The following ACKR2 variants were observed in gnomAD, a reference collection of about 807,000 sequenced individuals.
ACKR2 encodes C-C chemokine receptor D6.
For missense variants in ACKR2, 457 were observed against 477.3 expected (o/e 0.96, Z 0.40); for synonymous variants, 207 against 192.2 (o/e 1.08, Z -0.64).
chr3:42,820,656 G>A (rs1302170180), intron 2 of ACKR2, among the ~76,000 whole-genome samples: 1 of 145,536 alleles, frequency 6.9e-6, no homozygotes, highest in Non-Finnish European at 1.5e-5. Flanking sequence ...AGCCACCAAT[G>A]TCCTTGTGTT....
chr3:42,846,382 A>G (rs1701097342), intron 2 of ACKR2, among the ~76,000 whole-genome samples: 1 of 152,158 alleles, frequency 6.6e-6, no homozygotes, highest in African/African-American at 2.4e-5. Flanking sequence ...AAGAAATGAA[A>G]CTGGCTCCAG....
At chr3:42,861,481 G>A (rs1181750578) in intron 2 of ACKR2, among the ~76,000 whole-genome samples, 4 of 151,922 alleles carry the variant, frequency 2.6e-5, no homozygotes, top group Non-Finnish European at 5.9e-5. Flanking sequence ...CTAAACAATA[G>A]AAAAAAGAGG....
At chr3:42,817,728 T>G (rs2125602937) in intron 1 of ACKR2, among the ~76,000 whole-genome samples, 1 of 152,272 alleles carries the variant, frequency 6.6e-6, no homozygotes, top group East Asian at 1.9e-4. Flanking sequence ...AACCCAGCTC[T>G]CTCAACCCAC....
At chr3:42,840,185 G>A (rs1701022215) in intron 2 of ACKR2, among the ~76,000 whole-genome samples, 1 of 150,836 alleles carries the variant, frequency 6.6e-6, no homozygotes, top group Non-Finnish European at 1.5e-5. Context: ...GCGTGAACCC[G>A]GGAGGCGGAG....
chr3:42,855,347 C>G (rs2088303471), intron 2 of ACKR2, among the ~76,000 whole-genome samples: 1 of 152,168 alleles, frequency 6.6e-6, no homozygotes, highest in Non-Finnish European at 1.5e-5. Context: ...CTGATGGTTC[C>G]TTCCCAATTT....
rs550814276 is a variant in ACKR2 at position 42,864,358 on chromosome 3, G to A, written c.-37-108G>A. ...TTTTGCTCTTACTTGCTGGACTGCA[G>A]GTACTGATGTAGATTTGAAGAGTCT... is the stretch of plus-strand genomic sequence containing the variant. On this transcript the variant is annotated intron_variant, in intron 2 of 2. Coordinates refer to ENST00000422265, the MANE Select transcript of ACKR2 (RefSeq NM_001296.5). The A allele has an allele frequency of 1.3e-5, 13 of 963,796 alleles. No individual in the cohort carries two copies. In the African/African-American group the frequency reaches 2.0e-4, roughly 15 times the overall value. 59.7% of individuals were successfully genotyped at this position (963,796 alleles called of 1,614,324 possible).
At chr3:42,815,540 A>G (rs1700739697) in intron 1 of ACKR2, among the ~76,000 whole-genome samples, 1 of 152,222 alleles carries the variant, frequency 6.6e-6, no homozygotes, top group African/African-American at 2.4e-5. Flanking sequence ...ACAAAAATAC[A>G]CTTCCCAGAC....
chr3:42,819,328 T>C (rs1045189556), intron 1 of ACKR2, among the ~76,000 whole-genome samples: 2 of 152,204 alleles, frequency 1.3e-5, no homozygotes, highest in African/African-American at 4.8e-5. Flanking sequence ...TGTATAAGTA[T>C]GGGACTAGAT....
At position 42,866,868 on chromosome 3, in the gene ACKR2, A is replaced by G. The variant is rs1319203584; in HGVS notation, c.*1211A>G. The stretch of plus-strand genomic sequence containing the variant: ...AGGCAGAAAGAAATGAAGAACAAAA[A>G]AAAAGATTGATTTTTTTTTTTTTGA... On this transcript the variant is annotated 3_prime_UTR_variant, in exon 3 of 3. Coordinates refer to ENST00000422265, the MANE Select transcript of ACKR2 (RefSeq NM_001296.5). The G allele has an allele frequency of 1.2e-5, 2 of 166,852 alleles. No homozygotes were observed. Among genetic ancestry groups the G allele is most frequent in the African/African-American group, 4.8e-5 (2 of 41,356 alleles). The allele number at this position is 166,852 out of a possible 1,614,324, so 10.3% of individuals were successfully genotyped here.
Position 42,852,437 on chromosome 3 carries a change from A to T in ACKR2, c.-37-12029A>T, listed in dbSNP as rs1256220094. The T allele has an allele frequency of 2.6e-5, 4 of 152,190 alleles. No individual in the cohort carries two copies. The highest frequency in any genetic ancestry group is 6.5e-5 in the Admixed American group (1 of 15,286). 9.4% of individuals were successfully genotyped at this position (152,190 alleles called of 1,614,324 possible). On this transcript the variant is annotated intron_variant, in intron 2 of 2. Coordinates refer to ENST00000422265, the MANE Select transcript of ACKR2 (RefSeq NM_001296.5). The surrounding 1 kb of genome is among the most constrained non-coding windows in gnomAD (Gnocchi z 4.3). ...AAAGTGCTTACTTTTTGTTAGCTGA[A>T]ATAAGTTTTGGGAGGAGGGTTACTC...
intron 2 of ACKR2, among the ~76,000 whole-genome samples, chr3:42,850,568 C>A (rs1341882448): frequency 6.6e-6 from 1 of 152,132 alleles, no homozygotes; most frequent in Non-Finnish European, 1.5e-5. Context: ...GTCAAGGGGG[C>A]AGTGGGACTG....
intron 1 of ACKR2, among the ~76,000 whole-genome samples, chr3:42,815,196 G>C (rs1179727906): frequency 1.3e-5 from 2 of 152,150 alleles, no homozygotes; most frequent in Non-Finnish European, 2.9e-5. Context: ...GAAATAGAAT[G>C]GATTAGAAAG....
chr3:42,821,840 G>T (rs1238997441), intron 2 of ACKR2, among the ~76,000 whole-genome samples: 1 of 151,966 alleles, frequency 6.6e-6, no homozygotes, highest in African/African-American at 2.4e-5. Flanking sequence ...GGGACTACAG[G>T]GGCCCACTAC....
At chr3:42,832,154 C>T in intron 2 of ACKR2, among the ~76,000 whole-genome samples, 1 of 152,134 alleles carries the variant, frequency 6.6e-6, no homozygotes, top group East Asian at 1.9e-4. Context: ...ACCAGAAAGC[C>T]TCCATCTCTT....
At chr3:42,815,893 G>A (rs1046845507) in intron 1 of ACKR2, among the ~76,000 whole-genome samples, 1 of 152,190 alleles carries the variant, frequency 6.6e-6, no homozygotes, top group Non-Finnish European at 1.5e-5. Context: ...AAAAGTCACA[G>A]CCACTTTTAA....
intron 1 of ACKR2, among the ~76,000 whole-genome samples, chr3:42,813,072 G>A (rs1700712647): frequency 6.6e-6 from 1 of 152,086 alleles, no homozygotes; most frequent in Non-Finnish European, 1.5e-5. Flanking sequence ...TGCTGTTAAT[G>A]TTATTGAATT....
intron 1 of ACKR2, among the ~76,000 whole-genome samples, chr3:42,810,664 C>T (rs1387452051): frequency 1.3e-5 from 2 of 152,140 alleles, no homozygotes; most frequent in Non-Finnish European, 1.5e-5. Context: ...CCGACCACTA[C>T]CAATAAAAAA....
intron 2 of ACKR2, among the ~76,000 whole-genome samples, chr3:42,848,213 ATTTTTT>A (rs36054454): frequency 2.7e-5 from 2 of 74,920 alleles, no homozygotes; most frequent in South Asian, 5.1e-4. Context: ...AAAAAAAAAA[ATTTTTT>A]TTTTTTTTTT....
chr3:42,830,228 A>T (rs1700918273), intron 2 of ACKR2, among the ~76,000 whole-genome samples: 1 of 152,146 alleles, frequency 6.6e-6, no homozygotes, highest in African/African-American at 2.4e-5. Flanking sequence ...ATGTCTAAGG[A>T]ATTGGAGGAT....
Sources: gnomAD v4.1 joint callset for allele counts (sites outside exome capture counted in the v4.1 genomes callset) on GRCh38, gnomAD v4.1.1 for gene constraint, Gnocchi (gnomAD v3.1) non-coding constraint, MANE v1.5 for transcripts, NCBI Gene and HGNC (gene_info 2026-07-23, HGNC 2026-07-21) for gene names.